The following L1TD1 variants were observed in gnomAD, a reference collection of about 807,000 sequenced individuals.
The protein encoded by L1TD1 is LINE-1 type transposase domain-containing protein 1.
L1TD1 carries 26 observed loss-of-function variants against 25.7 expected under a neutral mutation model. That is an observed-to-expected ratio of 1.01 (90% CI 0.74 to 1.40). The LOEUF is 1.40. L1TD1 is among the 40% of genes most tolerant of loss of function. The probability of loss-of-function intolerance (pLI) is 0.00; values close to 1 mark genes in which losing one functional copy is unlikely to be tolerated. For missense variants in L1TD1, 1,130 were observed against 975.0 expected (o/e 1.16, Z -2.12); for synonymous variants, 421 against 335.6 (o/e 1.25, Z -2.78).
At position 62,211,011 on chromosome 1, in the gene L1TD1, T is replaced by C; in HGVS notation, c.2237T>C (p.Val746Ala). The C allele has an allele frequency of 6.5e-7, 1 of 1,546,460 alleles. No individual in the cohort carries two copies. The change falls in exon 4 of 4, where the codon GTA becomes GCA. Residue 746 changes from valine to alanine, a missense_variant. By Grantham distance (64) the Val-to-Ala change is moderately conservative. Coordinates refer to ENST00000498273, the MANE Select transcript of L1TD1 (RefSeq NM_019079.5). ...CTTGAGATTGTCAGTGCTTGTCGAG[T>C]ACCTAGTAAAATTGATGAAAAGAGA... ...SSLEIVSACR[V>A]PSKIDEKRLT...
At chr1:62,209,306 T>TTA (rs1331621598) in intron 3 of L1TD1, among the ~76,000 whole-genome samples, 2 of 147,106 alleles carry the variant, frequency 1.4e-5, no homozygotes, top group African/African-American at 5.1e-5. Flanking sequence ...TTTTTTTTTT[T>TTA]AATTGGGTTT....
At position 62,207,498 on chromosome 1, in the gene L1TD1, AAAGACAT is replaced by A; in HGVS notation, c.871_877del (p.Lys291PhefsTer17). The A allele has an allele frequency of 6.4e-7, 1 of 1,551,416 alleles. No homozygotes were observed. Among genetic ancestry groups the A allele is most frequent in the South Asian group, 1.2e-5 (1 of 84,004 alleles). Reference sequence around the variant, plus strand: ...TAGCATTTAAATGTGATGGTGAAATAAAGACATTTTCAGATCTGCAAAGCCTTAGAAA... The same window carrying A: ...TAGCATTTAAATGTGATGGTGAAATATTTCAGATCTGCAAAGCCTTAGAAA... On this transcript the variant is annotated frameshift_variant, in exon 3 of 4. Coordinates refer to ENST00000498273, the MANE Select transcript of L1TD1 (RefSeq NM_019079.5). LOFTEE classifies it high-confidence loss of function.
chr1:62,206,243 A>C (rs1360503043), intron 2 of L1TD1, among the ~76,000 whole-genome samples: 1 of 152,200 alleles, frequency 6.6e-6, no homozygotes. Flanking sequence ...GAACACAGAC[A>C]ACAAAGTTAA....
intron 2 of L1TD1, among the ~76,000 whole-genome samples, chr1:62,205,539 C>A (rs1200785589): frequency 6.8e-6 from 1 of 146,422 alleles, no homozygotes; most frequent in Non-Finnish European, 1.5e-5. Flanking sequence ...TCAAGCAATT[C>A]TTATGCCTCA....
At chr1:62,204,801 G>T (rs1348424683) in intron 2 of L1TD1, among the ~76,000 whole-genome samples, 2 of 152,068 alleles carry the variant, frequency 1.3e-5, no homozygotes, top group Non-Finnish European at 2.9e-5. Context: ...AGGGGACAGG[G>T]TCTCACACTG....
chr1:62,201,784 T>C (rs1159044800), intron 2 of L1TD1, among the ~76,000 whole-genome samples: 4 of 152,302 alleles, frequency 2.6e-5, no homozygotes, highest in Non-Finnish European at 5.9e-5. Flanking sequence ...CAGTACTCCC[T>C]GCATTTTACA....
rs1028771025 is a variant in L1TD1 at position 62,196,232 on chromosome 1, G to A, written c.-204-203G>A. Reference sequence around the variant, plus strand: ...AACCATTCTCTCCGGCCCCTCCCTGGCCTCCTCAGATCCACCTCTGGGTCC... The same window carrying A: ...AACCATTCTCTCCGGCCCCTCCCTGACCTCCTCAGATCCACCTCTGGGTCC... On this transcript the variant is annotated intron_variant, in intron 1 of 3. Coordinates refer to ENST00000498273, the MANE Select transcript of L1TD1 (RefSeq NM_019079.5). Among the ~76,000 whole-genome samples, 33 of 152,108 alleles carry A rather than the reference G, an allele frequency of 2.2e-4. 1 individual carries two copies. The highest frequency in any genetic ancestry group is 7.7e-4 in the African/African-American group (32 of 41,506).
At chr1:62,206,311 G>C (rs1318686609) in intron 2 of L1TD1, among the ~76,000 whole-genome samples, 1 of 152,034 alleles carries the variant, frequency 6.6e-6, no homozygotes, top group African/African-American at 2.4e-5. Flanking sequence ...TTAATTTATT[G>C]CATTCAAATC....
chr1:62,200,233 A>G (rs1008630478), intron 2 of L1TD1, among the ~76,000 whole-genome samples: 4 of 152,040 alleles, frequency 2.6e-5, no homozygotes, highest in Admixed American at 6.6e-5. Flanking sequence ...TTGGAGTGCA[A>G]TGGCGTGGTC....
chr1:62,195,954 T>C (rs958917802), intron 1 of L1TD1, among the ~76,000 whole-genome samples: 33 of 152,034 alleles, frequency 2.2e-4, no homozygotes, highest in South Asian at 4.2e-4. Context: ...GGAGAATCGC[T>C]TGAACCGGGG....
chr1:62,198,184 C>G (rs556028394), intron 2 of L1TD1, among the ~76,000 whole-genome samples: 228 of 152,250 alleles, frequency 1.5e-3, no homozygotes, highest in African/African-American at 4.6e-3. Context: ...AAACCAGGCA[C>G]TTTATCTTGG....
chr1:62,207,545 A>T lies in L1TD1; in HGVS notation c.917A>T (p.Lys306Ile), dbSNP rs1670775972. ...LQSLRKFASQ[K>I]SSVKELLKDV... ...AGCCTTAGAAAATTTGCCAGCCAAA[A>T]ATCTTCTGTGAAAGAATTACTGAAA... The change falls in exon 3 of 4, where the codon AAA becomes ATA. Residue 306 changes from lysine to isoleucine, a missense_variant. By Grantham distance (102) the Lys-to-Ile change is moderately radical. Coordinates refer to ENST00000498273, the MANE Select transcript of L1TD1 (RefSeq NM_019079.5). The T allele has an allele frequency of 6.4e-7, 1 of 1,551,486 alleles. No individual in the cohort carries two copies. Among genetic ancestry groups the T allele is most frequent in the African/African-American group, 1.4e-5 (1 of 73,166 alleles).
chr1:62,205,796 A>G (rs145233539), intron 2 of L1TD1, among the ~76,000 whole-genome samples: 4 of 152,124 alleles, frequency 2.6e-5, no homozygotes, highest in Non-Finnish European at 5.9e-5. Flanking sequence ...CAGGGGCACA[A>G]TCACAGCTCA....
chr1:62,207,338 T>C lies in L1TD1; in HGVS notation c.710T>C (p.Met237Thr). 1.3e-6 allele frequency: 2 copies of C among 1,551,354 alleles called. No individual in the cohort carries two copies. The highest frequency in any genetic ancestry group is 1.7e-6 in the Non-Finnish European group (2 of 1,146,836). The stretch of plus-strand genomic sequence containing the variant: ...GCCTCCAGAGAAGAAAAAGTGTTGA[T>C]GGATGAAGGAGCAGTACTTACCCTG... ...LKASREEKVLMDEGAVLTLVA... is the reference protein window; with the variant it reads ...LKASREEKVLTDEGAVLTLVA... The change falls in exon 3 of 4, where the codon ATG becomes ACG. Residue 237 changes from methionine to threonine, a missense_variant. Met to Thr is a moderately conservative substitution (Grantham distance 81). Coordinates refer to ENST00000498273, the MANE Select transcript of L1TD1 (RefSeq NM_019079.5).
chr1:62,212,189 G>C lies in L1TD1; in HGVS notation c.*817G>C, dbSNP rs1049160018. On this transcript the variant is annotated 3_prime_UTR_variant, in exon 4 of 4. Coordinates refer to ENST00000498273, the MANE Select transcript of L1TD1 (RefSeq NM_019079.5). ...GGGCCAAGGCAGGTGGGTCACTTGA[G>C]CCCAAGAGTTCAAGGCCATCCTGGG... is the stretch of plus-strand genomic sequence containing the variant. 1 of 152,078 alleles carries C rather than the reference G, an allele frequency of 6.6e-6. No homozygotes were observed. The highest frequency in any genetic ancestry group is 2.4e-5 in the African/African-American group (1 of 41,398). 9.4% of individuals were successfully genotyped at this position (152,078 alleles called of 1,614,324 possible). A position where few individuals can be genotyped will look rare whatever the true frequency, so the allele number is the denominator to read the frequency against.
intron 3 of L1TD1, chr1:62,207,996 C>T (rs11809029): frequency 0.13 from 20,776 of 161,188 alleles, 1,687 homozygotes; most frequent in African/African-American, 0.22. Context: ...GCGTGAGCCA[C>T]TGGGCCCAGC....
chr1:62,211,327 GC>G lies in L1TD1; in HGVS notation c.2554del (p.His852IlefsTer5). ...TTGAAGAATTTAGAGATTATGTTTT[GC>G]ATATGCCCACCTTGAGAGAATTACT... The part of the protein sequence containing the change: ...SIEEFRDYVL[H>X]MPTLRELLGN... On this transcript the variant is annotated frameshift_variant, in exon 4 of 4. Coordinates refer to ENST00000498273, the MANE Select transcript of L1TD1 (RefSeq NM_019079.5). LOFTEE classifies it high-confidence loss of function. The G allele has an allele frequency of 6.2e-7, 1 of 1,612,294 alleles. No individual in the cohort carries two copies. Among genetic ancestry groups the G allele is most frequent in the Non-Finnish European group, 8.5e-7 (1 of 1,179,430 alleles).
intron 2 of L1TD1, among the ~76,000 whole-genome samples, chr1:62,201,490 T>TAA (rs57780936): frequency 0.075 from 9,940 of 132,732 alleles, 430 homozygotes; most frequent in African/African-American, 0.1. Flanking sequence ...AGACCCTGCT[T>TAA]AAAAAAAAAA....
At chr1:62,198,372 C>G (rs1158425301) in intron 2 of L1TD1, among the ~76,000 whole-genome samples, 1 of 151,090 alleles carries the variant, frequency 6.6e-6, no homozygotes, top group Non-Finnish European at 1.5e-5. Context: ...GTGAGAGATA[C>G]CACACCAAAC....
Sources: gnomAD v4.1 joint callset for allele counts (sites outside exome capture counted in the v4.1 genomes callset) on GRCh38, gnomAD v4.1.1 for gene constraint, MANE v1.5 for transcripts, NCBI Gene and HGNC (gene_info 2026-07-23, HGNC 2026-07-21) for gene names.